Variants in RAPGEF4 observed in about 807,000 individuals in gnomAD.
RAPGEF4 encodes Rap guanine nucleotide exchange factor 4.
A neutral mutation model predicts 147.9 loss-of-function variants in RAPGEF4; 66 were observed. That is an observed-to-expected ratio of 0.45 (90% CI 0.37 to 0.55). The LOEUF is 0.55. Among genes scored for constraint, RAPGEF4 ranks in the 20% least tolerant of loss-of-function variants. The pLI is 0.00. For synonymous variants in RAPGEF4, 419 were observed against 442.7 expected (o/e 0.95, Z 0.67); for missense variants, 1,071 against 1,257.3 (o/e 0.85, Z 2.24).
chr2:172,790,479 A>T (rs1028031453), intron 1 of RAPGEF4, among the ~76,000 whole-genome samples: 2 of 152,168 alleles, frequency 1.3e-5, no homozygotes, highest in Non-Finnish European at 2.9e-5. Context: ...CCAGCTGTTC[A>T]TCGTTATGAA....
chr2:172,781,792 C>A (rs999172567), intron 1 of RAPGEF4, among the ~76,000 whole-genome samples: 1 of 152,198 alleles, frequency 6.6e-6, no homozygotes, highest in Non-Finnish European at 1.5e-5. Flanking sequence ...TACACATACC[C>A]TCTGTAGATT....
rs371940877 is a variant in RAPGEF4, at chr2:172,932,865, G to A, written c.537+10565G>A. Among the ~76,000 whole-genome samples the A allele has an allele frequency of 8.0e-4, 122 of 152,180 alleles. 2 individuals are homozygous for A. Among genetic ancestry groups the A allele is most frequent in the African/African-American group, 2.9e-3 (120 of 41,526 alleles). On this transcript the variant is annotated intron_variant, in intron 6 of 30. Coordinates refer to ENST00000397081, the MANE Select transcript of RAPGEF4 (RefSeq NM_007023.4). ...GTTTTAAAATCTCTTGTGACCATGGGTCTTTGTTACAACTTTTCTTCTAGA... is the reference window on the plus strand; with the variant it reads ...GTTTTAAAATCTCTTGTGACCATGGATCTTTGTTACAACTTTTCTTCTAGA...
chr2:172,787,392 G>A (rs566710592), intron 1 of RAPGEF4, among the ~76,000 whole-genome samples: 37 of 151,974 alleles, frequency 2.4e-4, no homozygotes, highest in Non-Finnish European at 4.9e-4. Context: ...ACTTAGATGG[G>A]TTGTCCTCTG....
At chr2:172,761,261 G>C (rs902067419) in intron 1 of RAPGEF4, among the ~76,000 whole-genome samples, 4 of 151,958 alleles carry the variant, frequency 2.6e-5, no homozygotes, top group Non-Finnish European at 5.9e-5. Flanking sequence ...GAGTAGCTGG[G>C]ATTACAGGTG....
At position 172,928,956 on chromosome 2, in the gene RAPGEF4, A is replaced by G. The variant is rs540186504; in HGVS notation, c.537+6656A>G. Among the ~76,000 whole-genome samples, 15 of 152,272 alleles carry G rather than the reference A, an allele frequency of 9.9e-5. No individual in the cohort carries two copies. The South Asian group carries it at 3.1e-3, about 32-fold the overall frequency. On this transcript the variant is annotated intron_variant, in intron 6 of 30. Transcript: ENST00000397081. ...GGAGGGAGGAGTGTGATGTCATGTTATTAGTAATGTACACAGCTGCTGCTT... is the reference window on the plus strand; with the variant it reads ...GGAGGGAGGAGTGTGATGTCATGTTGTTAGTAATGTACACAGCTGCTGCTT...
intron 4 of RAPGEF4, among the ~76,000 whole-genome samples, chr2:172,893,282 G>C (rs1044228432): frequency 8.5e-5 from 13 of 152,168 alleles, no homozygotes; most frequent in African/African-American, 3.1e-4. Flanking sequence ...CAAAGGCAGG[G>C]AGGCACAGAC....
chr2:172,809,117 A>G (rs1687774811), intron 3 of RAPGEF4, among the ~76,000 whole-genome samples: 2 of 152,180 alleles, frequency 1.3e-5, no homozygotes, highest in South Asian at 2.1e-4. Context: ...GAGGTGGGAA[A>G]TATCTCGAGG....
At chr2:172,861,414 G>A (rs535225879) in intron 4 of RAPGEF4, among the ~76,000 whole-genome samples, 1 of 152,328 alleles carries the variant, frequency 6.6e-6, no homozygotes, top group Admixed American at 6.5e-5. Context: ...AGTGTGGTTA[G>A]AGGGAGGGAA....
chr2:172,968,087 A>G (rs1690048883), intron 10 of RAPGEF4, among the ~76,000 whole-genome samples: 1 of 152,194 alleles, frequency 6.6e-6, no homozygotes, highest in African/African-American at 2.4e-5. Flanking sequence ...AGAATGTATT[A>G]TTAAGCCCCC....
chr2:172,965,629 A>C lies in RAPGEF4; in HGVS notation c.766A>C (p.Thr256Pro), dbSNP rs141738165. The C allele has an allele frequency of 8.7e-6, 14 of 1,614,078 alleles. 1 individual carries two copies. The African/African-American group carries it at 1.9e-4, about 22-fold the overall frequency. ...MQQTPCVHSR[T>P]QAVGMWQVLL... ...GCAGACACCATGTGTTCACTCCCGG[A>C]CTCAAGCTGTTGGCATGTGGCAAGT... Residue 256 changes from threonine (T) to proline (P), a missense_variant, in exon 9 of 31, where the codon ACT (threonine) becomes CCT (proline). Coordinates refer to ENST00000397081, the MANE Select transcript of RAPGEF4 (RefSeq NM_007023.4).
In RAPGEF4 at chr2:172,922,367, C is replaced by T. The variant is rs2150054621; in HGVS notation, c.537+67C>T. On this transcript the variant is annotated intron_variant, in intron 6 of 30. Transcript: ENST00000397081. ...TAAGGTAAAAAATAATCATGGTAAC[C>T]CTACCAACAAAGAGAGCTCTTGACC... 3 of 1,434,446 alleles carry T rather than the reference C, an allele frequency of 2.1e-6. No homozygotes were observed. The South Asian group carries it at 3.4e-5, about 16-fold the overall frequency. 88.9% of individuals were successfully genotyped at this position (1,434,446 alleles called of 1,614,324 possible). A position where few individuals can be genotyped will look rare whatever the true frequency, so the allele number is the denominator to read the frequency against.
Position 172,963,442 on chromosome 2 carries a change from A to G in RAPGEF4, c.699-2120A>G, listed in dbSNP as rs538083495. Among the ~76,000 whole-genome samples the G allele has an allele frequency of 7.9e-4, 121 of 152,326 alleles. 1 individual carries two copies. The highest frequency in any genetic ancestry group is 3.4e-3 in the Middle Eastern group (1 of 294). ...TTTCAAAATTGTATTACTTTTTTCC[A>G]TAATTTAAGATGTGATTGTGCTTTG... On this transcript the variant is annotated intron_variant, in intron 8 of 30. Transcript: ENST00000397081.
At chr2:172,957,386 A>G (rs186988495) in intron 6 of RAPGEF4, among the ~76,000 whole-genome samples, 1 of 152,378 alleles carries the variant, frequency 6.6e-6, no homozygotes, top group African/African-American at 2.4e-5. Context: ...AAAAGGAAGT[A>G]AATAATCTGA....
At chr2:172,844,901 T>C (rs553909347) in intron 4 of RAPGEF4, among the ~76,000 whole-genome samples, 2 of 152,322 alleles carry the variant, frequency 1.3e-5, no homozygotes, top group East Asian at 3.9e-4. Flanking sequence ...CGTACAACAT[T>C]GAGCAAATAT....
At chr2:172,929,310 C>G (rs1685684279) in intron 6 of RAPGEF4, among the ~76,000 whole-genome samples, 1 of 152,078 alleles carries the variant, frequency 6.6e-6, no homozygotes, top group South Asian at 2.1e-4. Context: ...TCCCTAAGTC[C>G]ACAGATATTA....
At chr2:172,902,081 C>T (rs986654840) in intron 4 of RAPGEF4, among the ~76,000 whole-genome samples, 3 of 152,050 alleles carry the variant, frequency 2.0e-5, no homozygotes, top group African/African-American at 7.2e-5. Flanking sequence ...GGCAGAAGTA[C>T]ATTCCAGGCA....
chr2:172,904,584 T>C (rs1225655976), intron 4 of RAPGEF4, among the ~76,000 whole-genome samples: 2 of 152,178 alleles, frequency 1.3e-5, no homozygotes, highest in African/African-American at 4.8e-5. Flanking sequence ...CTGAACCTTT[T>C]AGTCATATGA....
intron 4 of RAPGEF4, among the ~76,000 whole-genome samples, chr2:172,911,901 G>A (rs561157068): frequency 3.3e-5 from 5 of 151,384 alleles, no homozygotes; most frequent in Non-Finnish European, 2.9e-5. Flanking sequence ...CCAGTAGCCC[G>A]GATTACAGGT....
chr2:172,919,212 T>A (rs779333827), intron 5 of RAPGEF4, among the ~76,000 whole-genome samples: 12 of 152,168 alleles, frequency 7.9e-5, no homozygotes, highest in Non-Finnish European at 1.3e-4. Flanking sequence ...CTTGGTTTCC[T>A]CAGAGGGTTG....
Sources: gnomAD v4.1 joint callset for allele counts (sites outside exome capture counted in the v4.1 genomes callset) on GRCh38, gnomAD v4.1.1 for gene constraint, MANE v1.5 for transcripts, NCBI Gene and HGNC (gene_info 2026-07-23, HGNC 2026-07-21) for gene names.